NCALD: variants seen among roughly 807,000 people sequenced by gnomAD.
NCALD encodes neurocalcin-delta.
A neutral mutation model predicts 18.6 loss-of-function variants in NCALD; 10 were observed. That is an observed-to-expected ratio of 0.54 (90% confidence interval 0.33 to 0.91). The LOEUF (loss-of-function observed/expected upper bound fraction) is 0.91, where lower values mean the gene tolerates loss of function less well. NCALD is among the 40% of genes least tolerant of loss of function. The probability of loss-of-function intolerance (pLI) is 0.03; values close to 1 mark genes in which losing one functional copy is unlikely to be tolerated. For missense variants in NCALD, 184 were observed against 247.6 expected, an observed-to-expected ratio of 0.74 and a Z score of 1.72; for synonymous variants, 88 against 87.4, an observed-to-expected ratio of 1.01 and a Z score of -0.04.
chr8:101,902,822 G>A (rs958669564), intron 3 of NCALD, among the ~76,000 whole-genome samples: 3 of 152,090 alleles, frequency 2.0e-5, no homozygotes, highest in Admixed American at 6.5e-5. Flanking sequence ...ATGACATTGT[G>A]CACATGTGTG....
At chr8:101,845,281 G>C (rs1394938969) in intron 4 of NCALD, among the ~76,000 whole-genome samples, 3 of 152,224 alleles carry the variant, frequency 2.0e-5, no homozygotes, top group Non-Finnish European at 4.4e-5. Context: ...TTGCAGACCA[G>C]TAACAAAGAG....
At chr8:102,065,998 C>T (rs1823996596) in intron 1 of NCALD, among the ~76,000 whole-genome samples, 1 of 152,112 alleles carries the variant, frequency 6.6e-6, no homozygotes. Flanking sequence ...ATAAGTAAGT[C>T]TTTAGAAAAC....
chr8:101,964,046 T>G (rs1819932856), intron 2 of NCALD, among the ~76,000 whole-genome samples: 1 of 152,184 alleles, frequency 6.6e-6, no homozygotes, highest in African/African-American at 2.4e-5. Flanking sequence ...TTTCTTTAAT[T>G]TCCAGTCACT....
intron 4 of NCALD, among the ~76,000 whole-genome samples, chr8:101,879,972 G>A (rs571343532): frequency 5.3e-4 from 81 of 152,182 alleles, no homozygotes; most frequent in African/African-American, 6.0e-4. Context: ...GTCCTGTGCC[G>A]TGTGCCTGCA....
intron 4 of NCALD, among the ~76,000 whole-genome samples, chr8:101,804,618 TATATAATTA>T (rs1813023747): frequency 1.5e-5 from 2 of 135,150 alleles, no homozygotes; most frequent in African/African-American, 2.8e-5. Flanking sequence ...AATTATATAA[TATATAATTA>T]ATATAATTAA....
chr8:101,880,440 C>G (rs531465233), intron 4 of NCALD, among the ~76,000 whole-genome samples: 2 of 152,158 alleles, frequency 1.3e-5, no homozygotes, highest in Non-Finnish European at 2.9e-5. Flanking sequence ...TTGGCCAGCC[C>G]GGAGAGGGGC....
At chr8:102,034,991 A>T (rs1041138514) in intron 1 of NCALD, among the ~76,000 whole-genome samples, 10 of 152,294 alleles carry the variant, frequency 6.6e-5, no homozygotes, top group Admixed American at 1.3e-4. Context: ...CCCTGCCCTT[A>T]GCCCCTGGTA....
At chr8:102,038,519 T>A (rs1039301446) in intron 1 of NCALD, among the ~76,000 whole-genome samples, 1 of 152,152 alleles carries the variant, frequency 6.6e-6, no homozygotes, top group African/African-American at 2.4e-5. Flanking sequence ...CCACCTGGCA[T>A]TTGGTGGCCT....
At chr8:102,119,784 G>A (rs1450192479) in intron 1 of NCALD, among the ~76,000 whole-genome samples, 2 of 152,112 alleles carry the variant, frequency 1.3e-5, no homozygotes, top group African/African-American at 4.8e-5. Context: ...TTTCACATTA[G>A]AATATAAATT....
chr8:101,984,575 T>C (rs544609268), intron 2 of NCALD, among the ~76,000 whole-genome samples: 1 of 152,278 alleles, frequency 6.6e-6, no homozygotes, highest in South Asian at 2.1e-4. Flanking sequence ...TGAAACACGT[T>C]CTTTCCATCA....
In NCALD at chr8:101,697,976, A is replaced by G. The variant is rs190001803; in HGVS notation, c.379-5080T>C. Among the ~76,000 whole-genome samples the G allele has an allele frequency of 4.4e-3, 675 of 152,296 alleles. 11 individuals carry two copies. The Middle Eastern group carries it at 0.058, about 13-fold the overall frequency. On this transcript the variant is annotated intron_variant, in intron 2 of 3. Coordinates refer to ENST00000220931, the MANE Select transcript of NCALD (RefSeq NM_032041.3). ...AGAGAAAGAAATAAAGCATATTCAA[A>G]TAAGAAGAGAGGAAATCAAATTTTC...
intron 1 of NCALD, among the ~76,000 whole-genome samples, chr8:102,105,238 T>C (rs1246091078): frequency 6.6e-6 from 1 of 152,218 alleles, no homozygotes; most frequent in East Asian, 1.9e-4. Context: ...TACAGATTCT[T>C]TTAAGTTGAA....
intron 2 of NCALD, among the ~76,000 whole-genome samples, chr8:101,990,169 C>T (rs542704991): frequency 6.6e-6 from 1 of 152,286 alleles, no homozygotes; most frequent in Admixed American, 6.5e-5. Context: ...CAATTATATG[C>T]CAGACACTGT....
At chr8:102,072,843 G>C (rs1824221301) in intron 1 of NCALD, among the ~76,000 whole-genome samples, 1 of 152,032 alleles carries the variant, frequency 6.6e-6, no homozygotes, top group African/African-American at 2.4e-5. Context: ...TATTTTTCTG[G>C]CAAGGGTTAG....
At position 101,878,914 on chromosome 8, in the gene NCALD, C is replaced by A. The variant is rs149700423; in HGVS notation, c.-20+8227G>T. ...CTATGATTACGATGATGAAAAAAAGCAGCCCTAGGTTCTGTCCTCATGGAA... is the reference window on the plus strand; with the variant it reads ...CTATGATTACGATGATGAAAAAAAGAAGCCCTAGGTTCTGTCCTCATGGAA... On this transcript the variant is annotated intron_variant, in intron 4 of 6. Coordinates refer to the NCALD transcript ENST00000311028. Among the ~76,000 whole-genome samples the A allele has an allele frequency of 9.4e-3, 1,436 of 152,288 alleles. 10 individuals carry two copies. The highest frequency in any genetic ancestry group is 0.014 in the Non-Finnish European group (956 of 68,020).
intron 1 of NCALD, among the ~76,000 whole-genome samples, chr8:102,049,966 T>C (rs990721145): frequency 1.3e-5 from 2 of 150,512 alleles, no homozygotes; most frequent in African/African-American, 4.9e-5. Flanking sequence ...ATCGAGACCA[T>C]CCTGGCTAAC....
chr8:101,804,485 TATATAATTA>T (rs199683680), intron 4 of NCALD, among the ~76,000 whole-genome samples: 2,995 of 123,838 alleles, frequency 0.024, 186 homozygotes, highest in African/African-American at 0.1. Context: ...TATTATATAA[TATATAATTA>T]ATATAATTAA....
chr8:102,117,332 C>A (rs1477353620), intron 1 of NCALD, among the ~76,000 whole-genome samples: 2 of 152,178 alleles, frequency 1.3e-5, no homozygotes, highest in Non-Finnish European at 2.9e-5. Context: ...CTAGTTCTGG[C>A]CCCAGATGAG....
chr8:101,801,356 TTAATA>T (rs952026314), intron 4 of NCALD, among the ~76,000 whole-genome samples: 32 of 152,228 alleles, frequency 2.1e-4, no homozygotes, highest in African/African-American at 6.3e-4. Context: ...TTTGACCTAA[TTAATA>T]TATTAGTCAA....
Sources: gnomAD v4.1 joint callset for allele counts (sites outside exome capture counted in the v4.1 genomes callset) on GRCh38, gnomAD v4.1.1 for gene constraint, MANE v1.5 for transcripts, NCBI Gene and HGNC (gene_info 2026-07-23, HGNC 2026-07-21) for gene names.